Variants in GPHN observed in about 807,000 individuals in gnomAD.
GPHN encodes gephyrin.
A neutral mutation model predicts 95.5 loss-of-function variants in GPHN; 17 were observed. That is an observed-to-expected ratio of 0.18 (90% CI 0.12 to 0.27). The LOEUF (loss-of-function observed/expected upper bound fraction) is 0.27, where lower values mean the gene tolerates loss of function less well. Among genes scored for constraint, GPHN ranks in the 10% least tolerant of loss-of-function variants. The pLI is 1.00. For synonymous variants in GPHN, 320 were observed against 322.5 expected, an observed-to-expected ratio of 0.99 and a Z score of 0.08; for missense variants, 660 against 978.1, an observed-to-expected ratio of 0.67 and a Z score of 4.34.
chr14:66,660,428 AG>A (rs1367631891), intron 1 of GPHN, among the ~76,000 whole-genome samples: 2 of 152,282 alleles, frequency 1.3e-5, no homozygotes, highest in African/African-American at 4.8e-5. Flanking sequence ...ATGTTCCAAG[AG>A]TTCTTATTTT....
chr14:66,655,984 T>C (rs143104609), intron 1 of GPHN, among the ~76,000 whole-genome samples: 2 of 152,266 alleles, frequency 1.3e-5, no homozygotes, highest in Admixed American at 1.3e-4. Flanking sequence ...TATATGTAAT[T>C]CTGAATTCTT....
At chr14:67,002,747 T>C (rs1200216012) in intron 9 of GPHN, among the ~76,000 whole-genome samples, 2 of 151,628 alleles carry the variant, frequency 1.3e-5, no homozygotes, top group Non-Finnish European at 3.0e-5. Context: ...GTGCAATGCC[T>C]GATATGTGTA....
intron 8 of GPHN, among the ~76,000 whole-genome samples, chr14:66,925,653 C>A (rs760117225): frequency 1.2e-4 from 18 of 152,008 alleles, no homozygotes; most frequent in Non-Finnish European, 2.4e-4. Context: ...ATATATGTAC[C>A]CCATTTTCTT....
chr14:66,990,075 T>G (rs1274631833), intron 9 of GPHN, among the ~76,000 whole-genome samples: 1 of 152,084 alleles, frequency 6.6e-6, no homozygotes, highest in East Asian at 1.9e-4. Context: ...CTCAGGAAAC[T>G]TACAATCATG....
chr14:67,478,870 A>C, the GPHN span, among the ~76,000 whole-genome samples: 2 of 152,190 alleles, frequency 1.3e-5, no homozygotes, highest in Non-Finnish European at 2.9e-5. Context: ...CGCCAGCACC[A>C]GCAGCCTCCT....
At chr14:67,397,950 A>G in the GPHN span, 1 of 725,882 alleles carries the variant, frequency 1.4e-6, no homozygotes, top group East Asian at 2.9e-5. Context: ...CAAGGAAGAC[A>G]GCAGGATTTG....
At chr14:67,107,189 C>T (rs1393511491) in intron 13 of GPHN, among the ~76,000 whole-genome samples, 1 of 152,132 alleles carries the variant, frequency 6.6e-6, no homozygotes, top group Non-Finnish European at 1.5e-5. Context: ...TAGAGTCCTC[C>T]TCTTCTTGTT....
chr14:67,474,199 C>T, the GPHN span, among the ~76,000 whole-genome samples: 1 of 151,792 alleles, frequency 6.6e-6, no homozygotes, highest in Non-Finnish European at 1.5e-5. Context: ...TTGGAGTGAG[C>T]CAAGATTGCG....
At chr14:66,982,681 A>T (rs2070754406) in intron 9 of GPHN, among the ~76,000 whole-genome samples, 1 of 152,156 alleles carries the variant, frequency 6.6e-6, no homozygotes, top group Non-Finnish European at 1.5e-5. Flanking sequence ...TTTGATTATC[A>T]ATATATATAA....
At chr14:67,096,519 A>G (rs765697280) in intron 12 of GPHN, among the ~76,000 whole-genome samples, 1 of 152,078 alleles carries the variant, frequency 6.6e-6, no homozygotes, top group Non-Finnish European at 1.5e-5. Context: ...TCATTTCTTT[A>G]TTCTTTTAAC....
intron 8 of GPHN, among the ~76,000 whole-genome samples, chr14:66,957,064 T>G (rs1252035170): frequency 6.7e-6 from 1 of 150,228 alleles, no homozygotes; most frequent in Admixed American, 6.6e-5. Flanking sequence ...TGTATACATA[T>G]GTAACTAACC....
chr14:66,871,752 C>T (rs2063444854), intron 4 of GPHN, among the ~76,000 whole-genome samples: 1 of 151,204 alleles, frequency 6.6e-6, no homozygotes, highest in East Asian at 2.0e-4. Flanking sequence ...GGGAGGAAAA[C>T]AACACACACT....
intron 11 of GPHN, 93 bp downstream of exon 11, chr14:67,058,879 A>C (rs1187053993): frequency 9.1e-7 from 1 of 1,101,848 alleles, no homozygotes; most frequent in East Asian, 2.3e-5. Flanking sequence ...CTGAAAAAGA[A>C]AGATTATTAA....
chr14:67,341,561 T>TG, the GPHN span, among the ~76,000 whole-genome samples: 13 of 135,660 alleles, frequency 9.6e-5, no homozygotes, highest in Middle Eastern at 5.0e-3. Flanking sequence ...GGGAGGGAGG[T>TG]GGGGGGGTCA....
intron 2 of GPHN, among the ~76,000 whole-genome samples, chr14:66,766,002 A>G (rs2058950181): frequency 6.6e-6 from 1 of 152,182 alleles, no homozygotes; most frequent in African/African-American, 2.4e-5. Flanking sequence ...GTTTGAAGGA[A>G]TTGGAGAACA....
intron 8 of GPHN, among the ~76,000 whole-genome samples, chr14:66,951,615 T>C (rs1187817201): frequency 6.6e-6 from 1 of 151,642 alleles, no homozygotes; most frequent in Non-Finnish European, 1.5e-5. Context: ...CAAAATAGTG[T>C]TGAACAAGAA....
At position 67,138,530 on chromosome 14, in the gene GPHN, A is replaced by G. The variant is rs1354022902; in HGVS notation, c.1749-4832A>G. ...TCAGAGTAATCTTTGAGTTTTAGAA[A>G]GAAAACTCAGTTTTTATATGTTAAA... On this transcript the variant is annotated intron_variant, in intron 17 of 22. Transcript: ENST00000478722. Among the ~76,000 whole-genome samples, 3 of 152,210 alleles carry G rather than the reference A, an allele frequency of 2.0e-5. No homozygotes were observed. The East Asian group carries it at 5.8e-4, about 29-fold the overall frequency.
chr14:67,439,593 C>CTTTCTTTTTTTCTTTCTTTCT, the GPHN span, among the ~76,000 whole-genome samples: 6 of 109,838 alleles, frequency 5.5e-5, no homozygotes, highest in East Asian at 2.7e-4. Context: ...TTCTTTCTTT[C>CTTTCTTTTTTTCTTTCTTTCT]TTCTTTCTTT....
the GPHN span, among the ~76,000 whole-genome samples, chr14:67,607,656 C>T: frequency 1.3e-5 from 2 of 152,158 alleles, no homozygotes; most frequent in Non-Finnish European, 2.9e-5. Flanking sequence ...TGAGCCACCA[C>T]GCCCGGCCTG....
Sources: allele counts gnomAD v4.1 joint callset (sites outside exome capture counted in the v4.1 genomes callset), GRCh38; gene constraint gnomAD v4.1.1; transcripts MANE v1.5; gene names NCBI Gene and HGNC (gene_info 2026-07-23, HGNC 2026-07-21).